Variants in SYT14 observed in about 807,000 individuals in gnomAD.
SYT14 encodes the protein synaptotagmin 14, also known as synaptotagmin-14.
SYT14 carries 32 observed loss-of-function variants against 74.2 expected under a neutral mutation model. That is an observed-to-expected ratio of 0.43 (90% CI 0.33 to 0.58). SYT14 has a LOEUF of 0.58. Among genes scored for constraint, SYT14 ranks in the 20% least tolerant of loss-of-function variants. The pLI is 0.05. For missense variants in SYT14, 791 were observed against 981.8 expected, an observed-to-expected ratio of 0.81 and a Z score of 2.60; for synonymous variants, 298 against 337.7, an observed-to-expected ratio of 0.88 and a Z score of 1.29.
intron 5 of SYT14, among the ~76,000 whole-genome samples, chr1:210,093,412 A>C (rs1258204062): frequency 3.9e-5 from 6 of 152,168 alleles, no homozygotes; most frequent in Non-Finnish European, 7.3e-5. Flanking sequence ...TGCATTCAGG[A>C]TTTATCTACA....
chr1:210,074,463 G>GT (rs1458843004), intron 5 of SYT14, among the ~76,000 whole-genome samples: 2 of 152,106 alleles, frequency 1.3e-5, no homozygotes, highest in African/African-American at 4.8e-5. Flanking sequence ...TGAGCATAAG[G>GT]TATTGATACA....
intron 2 of SYT14, among the ~76,000 whole-genome samples, chr1:209,994,336 T>C (rs528607676): frequency 4.6e-5 from 7 of 152,228 alleles, no homozygotes; most frequent in African/African-American, 1.7e-4. Context: ...ACTACAAAAA[T>C]TTTATAATAC....
At chr1:210,141,188 T>C (rs1428958814) in intron 7 of SYT14, among the ~76,000 whole-genome samples, 2 of 152,178 alleles carry the variant, frequency 1.3e-5, no homozygotes, top group Non-Finnish European at 2.9e-5. Flanking sequence ...TTCATTTATT[T>C]AGGACTTCTT....
chr1:209,978,408 A>T (rs991315265), intron 2 of SYT14, among the ~76,000 whole-genome samples: 3 of 152,042 alleles, frequency 2.0e-5, no homozygotes, highest in Admixed American at 2.0e-4. Context: ...TCTGTTTGTT[A>T]GTTTTCCTTC....
chr1:210,041,171 G>A (rs2080781564), intron 5 of SYT14, among the ~76,000 whole-genome samples: 1 of 152,188 alleles, frequency 6.6e-6, no homozygotes, highest in Non-Finnish European at 1.5e-5. Flanking sequence ...CTCTGATGTT[G>A]GGAAAACATG....
At chr1:210,066,967 A>C (rs773692713) in intron 5 of SYT14, among the ~76,000 whole-genome samples, 10 of 151,970 alleles carry the variant, frequency 6.6e-5, no homozygotes, top group Non-Finnish European at 1.3e-4. Context: ...TTAGGTATTT[A>C]ATTTTGAGTT....
intron 7 of SYT14, among the ~76,000 whole-genome samples, chr1:210,112,525 G>A (rs1209512330): frequency 1.3e-5 from 2 of 151,330 alleles, no homozygotes; most frequent in East Asian, 3.9e-4. Context: ...ATTGATAAGT[G>A]GAAGTTGTAG....
At chr1:210,102,963 G>A (rs1405241401) in intron 7 of SYT14, among the ~76,000 whole-genome samples, 1 of 152,018 alleles carries the variant, frequency 6.6e-6, no homozygotes, top group African/African-American at 2.4e-5. Context: ...CAGGCATGAG[G>A]CACCATGCCA....
chr1:210,161,149 T>C, exon 10 of SYT14: 1 of 1,247,274 alleles, frequency 8.0e-7, no homozygotes, highest in Non-Finnish European at 1.2e-6. Context: ...AAGAATCATA[T>C]TCAACCTTCT....
chr1:210,070,260 A>T (rs1316171517), intron 5 of SYT14, among the ~76,000 whole-genome samples: 1 of 151,942 alleles, frequency 6.6e-6, no homozygotes, highest in Non-Finnish European at 1.5e-5. Context: ...AAAAGGTAAA[A>T]CTCTGTTAGA....
chr1:210,061,680 TG>T (rs1361682104), intron 5 of SYT14, among the ~76,000 whole-genome samples: 1 of 151,892 alleles, frequency 6.6e-6, no homozygotes, highest in Non-Finnish European at 1.5e-5. Flanking sequence ...AATTTAGTAG[TG>T]GGGTTTATAC....
intron 2 of SYT14, among the ~76,000 whole-genome samples, chr1:210,002,839 T>A (rs2079925989): frequency 6.6e-6 from 1 of 152,164 alleles, no homozygotes; most frequent in Non-Finnish European, 1.5e-5. Context: ...ATATGAGCCT[T>A]TTCCTCCTGA....
intron 2 of SYT14, among the ~76,000 whole-genome samples, chr1:210,004,871 CA>C (rs1249874687): frequency 6.6e-6 from 1 of 151,498 alleles, no homozygotes; most frequent in Non-Finnish European, 1.5e-5. Context: ...ATCATATCAA[CA>C]AAAAGGTAGA....
At position 210,047,453 on chromosome 1, in the gene SYT14, A is replaced by C. The variant is rs1450544636; in HGVS notation, c.1312+26199A>C. Among the ~76,000 whole-genome samples, 4 of 152,106 alleles carry C rather than the reference A, an allele frequency of 2.6e-5. No individual in the cohort carries two copies. In the East Asian group the frequency reaches 7.7e-4, roughly 29 times the overall value. ...CACACTGTCGGCCGGGCTGGAGTGC[A>C]ATGGCGCAATCTCAACTAACTGCAA... On this transcript the variant is annotated intron_variant, in intron 5 of 9. Coordinates refer to ENST00000637265, the Ensembl canonical transcript of SYT14.
At chr1:209,990,052 A>G (rs1237038369) in intron 2 of SYT14, among the ~76,000 whole-genome samples, 1 of 152,202 alleles carries the variant, frequency 6.6e-6, no homozygotes, top group Non-Finnish European at 1.5e-5. Context: ...TAAAAATTAC[A>G]GACCTCCTGT....
intron 5 of SYT14, among the ~76,000 whole-genome samples, chr1:210,023,563 C>T (rs1033185270): frequency 6.6e-6 from 1 of 151,800 alleles, no homozygotes; most frequent in African/African-American, 2.4e-5. Flanking sequence ...AGGCTGGTCT[C>T]GAACTTCTGA....
intron 5 of SYT14, among the ~76,000 whole-genome samples, chr1:210,025,671 G>A (rs758822142): frequency 3.9e-5 from 6 of 152,062 alleles, no homozygotes; most frequent in Non-Finnish European, 8.8e-5. Context: ...AGAGACCAGT[G>A]CAAGAGAACT....
chr1:210,058,445 G>T (rs556224581), intron 5 of SYT14, among the ~76,000 whole-genome samples: 1 of 152,302 alleles, frequency 6.6e-6, no homozygotes, highest in African/African-American at 2.4e-5. Flanking sequence ...CTTTGAAGGA[G>T]CATGGAAAAT....
chr1:209,968,309 A>G lies in SYT14; in HGVS notation c.-486+15553A>G, dbSNP rs115103173. ...GGGGTCACTCTTGGTGTTCTACAGT[A>G]TAAGGGTTTTAACAAATGTGTAATG... On this transcript the variant is annotated intron_variant, in intron 2 of 9. Transcript: ENST00000637265. Among the ~76,000 whole-genome samples the G allele has an allele frequency of 4.6e-3, 701 of 151,986 alleles. 7 individuals carry two copies. The highest frequency in any genetic ancestry group is 0.016 in the African/African-American group (671 of 41,560).
Sources: allele counts gnomAD v4.1 joint callset (sites outside exome capture counted in the v4.1 genomes callset), GRCh38; gene constraint gnomAD v4.1.1; transcripts MANE v1.5; gene names NCBI Gene and HGNC (gene_info 2026-07-23, HGNC 2026-07-21).